Variants in SRGAP3 observed in about 807,000 individuals in gnomAD.
SRGAP3 encodes the protein SLIT-ROBO Rho GTPase activating protein 3, also known as SLIT-ROBO Rho GTPase-activating protein 3.
Under a neutral mutation model 121.1 loss-of-function variants are expected in SRGAP3, and 39 were observed. The ratio of observed to expected loss-of-function variants is 0.32; its 90% confidence interval spans 0.25 to 0.42. SRGAP3 has a LOEUF of 0.42. Ranked by LOEUF, SRGAP3 falls within the 10% of genes least tolerant of loss-of-function variation. SRGAP3 has a pLI of 1.00. For missense variants in SRGAP3, 1,213 were observed against 1,470.6 expected (o/e 0.82, Z 2.86); for synonymous variants, 601 against 570.0 (o/e 1.05, Z -0.77).
intron 2 of SRGAP3, among the ~76,000 whole-genome samples, chr3:9,106,096 C>T (rs1010454607): frequency 2.0e-5 from 3 of 152,198 alleles, no homozygotes; most frequent in Non-Finnish European, 4.4e-5. Context: ...AATTATAAGT[C>T]AACCCATAGT....
At chr3:9,026,324 C>A (rs772091236) in intron 13 of SRGAP3, among the ~76,000 whole-genome samples, 18 of 152,170 alleles carry the variant, frequency 1.2e-4, no homozygotes, top group Non-Finnish European at 1.8e-4. Context: ...AATTTCCTTG[C>A]CCTTTTCATT....
At chr3:9,042,817 A>G (rs1264941092) in intron 10 of SRGAP3, among the ~76,000 whole-genome samples, 2 of 152,116 alleles carry the variant, frequency 1.3e-5, no homozygotes, top group Admixed American at 6.5e-5. Context: ...AGGAGTGTTG[A>G]TTTCCTGTTC....
intron 3 of SRGAP3, among the ~76,000 whole-genome samples, chr3:9,320,621 C>A (rs1033665009): frequency 8.6e-5 from 13 of 151,944 alleles, no homozygotes; most frequent in African/African-American, 2.9e-4. Context: ...CCTGCAGAAC[C>A]ATGAGCCAAT....
At position 9,032,751 on chromosome 3, in the gene SRGAP3, G is replaced by A; in HGVS notation, c.1438C>T (p.Pro480Ser). ...TGTGGTTTAGGGGGAAGACAGGGGG[G>A]CCTAGGGGAAAACGGAACAAAAGAA... ...GERAECGTTR[P>S]PCLPPKPQKM... The change falls in exon 12 of 22, where the codon CCC becomes TCC. Residue 480 changes from proline to serine, a missense_variant and splice_region_variant. Pro to Ser is a moderately conservative substitution (Grantham distance 74). Transcript: ENST00000383836. 2 of 1,610,618 alleles carry A rather than the reference G, an allele frequency of 1.2e-6. No individual in the cohort carries two copies.
intron 14 of SRGAP3, among the ~76,000 whole-genome samples, chr3:9,024,186 G>A (rs1944070526): frequency 6.6e-6 from 1 of 152,124 alleles, no homozygotes. Flanking sequence ...TGGGGTTGGG[G>A]TCTTCAGCAC....
At chr3:9,055,270 C>T (rs1043182961) in intron 8 of SRGAP3, among the ~76,000 whole-genome samples, 1 of 152,130 alleles carries the variant, frequency 6.6e-6, no homozygotes, top group African/African-American at 2.4e-5. Flanking sequence ...CTGTCTCTGC[C>T]CAGGATAGAA....
chr3:9,272,230 T>C (rs187010804), intron 3 of SRGAP3, among the ~76,000 whole-genome samples: 1 of 152,368 alleles, frequency 6.6e-6, no homozygotes, highest in Admixed American at 6.5e-5. Flanking sequence ...TTTTAAAGTT[T>C]TTTAAATTTC....
At chr3:9,049,822 G>A (rs1310288183) in intron 9 of SRGAP3, among the ~76,000 whole-genome samples, 1 of 148,822 alleles carries the variant, frequency 6.7e-6, no homozygotes, top group African/African-American at 2.5e-5. Flanking sequence ...TGCCCAGGCT[G>A]GAGTGCAGTA....
At chr3:9,083,216 T>C (rs1037233798) in intron 3 of SRGAP3, among the ~76,000 whole-genome samples, 4 of 152,182 alleles carry the variant, frequency 2.6e-5, no homozygotes, top group South Asian at 4.1e-4. Flanking sequence ...CTCTTGGTCC[T>C]CAAACTCCCC....
chr3:9,195,076 C>A (rs575771892), intron 1 of SRGAP3, among the ~76,000 whole-genome samples: 2 of 152,194 alleles, frequency 1.3e-5, no homozygotes, highest in Non-Finnish European at 2.9e-5. Context: ...CCACCATGGC[C>A]GACTCCAAGC....
chr3:9,005,925 G>A (rs536207193), intron 18 of SRGAP3, among the ~76,000 whole-genome samples: 28 of 151,452 alleles, frequency 1.8e-4, no homozygotes, highest in Admixed American at 1.8e-3. Flanking sequence ...GGTAAATTGT[G>A]TGGTGTGTGA....
intron 1 of SRGAP3, among the ~76,000 whole-genome samples, chr3:9,208,057 T>C (rs919778409): frequency 9.2e-5 from 14 of 152,130 alleles, no homozygotes; most frequent in African/African-American, 3.4e-4. Flanking sequence ...ATCCAGACAG[T>C]GAGTCCTTTG....
intron 1 of SRGAP3, among the ~76,000 whole-genome samples, chr3:9,149,074 C>T (rs569705541): frequency 1.3e-5 from 2 of 151,956 alleles, no homozygotes; most frequent in East Asian, 1.9e-4. Context: ...ATTAGCCGAG[C>T]GTGGTGGCAG....
In SRGAP3 at chr3:9,188,836, G is replaced by A. The variant is rs1009396161; in HGVS notation, c.67+60049C>T. Among the ~76,000 whole-genome samples the A allele has an allele frequency of 3.9e-5, 6 of 152,146 alleles. No homozygotes were observed. The East Asian group carries it at 1.2e-3, about 29-fold the overall frequency. The stretch of plus-strand genomic sequence containing the variant: ...GCAAATAGGGAAAGATGCAAAGTTG[G>A]CCTAAGAACTACTGCTCCCTGCTCC... On this transcript the variant is annotated intron_variant, in intron 1 of 21. Transcript: ENST00000383836.
intron 20 of SRGAP3, among the ~76,000 whole-genome samples, chr3:8,991,915 G>A (rs182529341): frequency 3.5e-3 from 536 of 152,284 alleles, no homozygotes; most frequent in Non-Finnish European, 5.2e-3. Context: ...AAGGAGGTGA[G>A]GGCGGGGGAC....
chr3:9,280,969 T>C (rs1212149351), intron 3 of SRGAP3, among the ~76,000 whole-genome samples: 1 of 146,384 alleles, frequency 6.8e-6, no homozygotes, highest in African/African-American at 2.8e-5. Flanking sequence ...TCCTGAATTG[T>C]TGGGGGTGGT....
intron 1 of SRGAP3, among the ~76,000 whole-genome samples, chr3:9,126,732 G>A (rs1245730655): frequency 6.6e-6 from 1 of 152,054 alleles, no homozygotes; most frequent in Admixed American, 6.6e-5. Flanking sequence ...GTGTGCACTT[G>A]GATGTACAGT....
intron 1 of SRGAP3, among the ~76,000 whole-genome samples, chr3:9,167,070 C>A (rs1443326902): frequency 1.3e-5 from 2 of 152,172 alleles, no homozygotes; most frequent in Non-Finnish European, 2.9e-5. Context: ...GGCTCTTAAT[C>A]CTTCTGCGAA....
chr3:9,101,717 T>C (rs1397424378), intron 3 of SRGAP3, among the ~76,000 whole-genome samples: 1 of 152,198 alleles, frequency 6.6e-6, no homozygotes, highest in Non-Finnish European at 1.5e-5. Context: ...AAGCCAGGCT[T>C]ATAACTAGTA....
Sources: gnomAD v4.1 joint callset for allele counts (sites outside exome capture counted in the v4.1 genomes callset) on GRCh38, gnomAD v4.1.1 for gene constraint, MANE v1.5 for transcripts, NCBI Gene and HGNC (gene_info 2026-07-23, HGNC 2026-07-21) for gene names.